PDE3A: variants seen among roughly 807,000 people sequenced by gnomAD.
PDE3A encodes the protein phosphodiesterase 3A.
A neutral mutation model predicts 98.3 loss-of-function variants in PDE3A; 43 were observed. The ratio of observed to expected loss-of-function variants is 0.44; its 90% CI spans 0.34 to 0.56. The LOEUF is 0.56. PDE3A is among the 20% of genes least tolerant of loss of function. The pLI, the probability that PDE3A is intolerant of heterozygous loss-of-function variation, is 0.01. For synonymous variants in PDE3A, 663 were observed against 567.9 expected (o/e 1.17, Z -2.38); for missense variants, 1,427 against 1,440.7 (o/e 0.99, Z 0.15).
At chr12:20,429,754 TC>T (rs1358307584) in intron 1 of PDE3A, among the ~76,000 whole-genome samples, 1 of 152,224 alleles carries the variant, frequency 6.6e-6, no homozygotes, top group South Asian at 2.1e-4. Flanking sequence ...TTTAATTTTT[TC>T]TAGTTATTGT....
intron 2 of PDE3A, among the ~76,000 whole-genome samples, chr12:20,606,652 A>T (rs532723243): frequency 6.6e-6 from 1 of 151,912 alleles, no homozygotes; most frequent in Non-Finnish European, 1.5e-5. Context: ...TGAGGTTGGG[A>T]GTTTGAGACC....
rs1257006307 is a variant in PDE3A, at chr12:20,530,534, G to C, written c.961-26126G>C. 2.7e-5 allele frequency among the ~76,000 whole-genome samples: 4 copies of C among 150,214 alleles called. No individual in the cohort carries two copies. The East Asian group carries it at 7.9e-4, about 30-fold the overall frequency. On this transcript the variant is annotated intron_variant, in intron 1 of 15. Coordinates refer to ENST00000359062, the MANE Select transcript of PDE3A (RefSeq NM_000921.5). ...AGATGGGGTCTCACTGTGTAACTCA[G>C]GCTGGACTCTAGCTCCTGAGCTCAA...
At chr12:20,626,788 G>C (rs370255563) in intron 5 of PDE3A, among the ~76,000 whole-genome samples, 1 of 152,132 alleles carries the variant, frequency 6.6e-6, no homozygotes, top group South Asian at 2.1e-4. Context: ...ATGAGCCACC[G>C]CGCCTAGCCG....
At chr12:20,404,222 A>G (rs1944187001) in intron 1 of PDE3A, among the ~76,000 whole-genome samples, 1 of 152,124 alleles carries the variant, frequency 6.6e-6, no homozygotes. Context: ...ATTTTACGAT[A>G]GTTTTTGTTT....
At position 20,477,314 on chromosome 12, in the gene PDE3A, C is replaced by G. The variant is rs767388744; in HGVS notation, c.961-79346C>G. Among the ~76,000 whole-genome samples, 2 of 152,182 alleles carry G rather than the reference C, an allele frequency of 1.3e-5. 1 individual carries two copies. The highest frequency in any genetic ancestry group is 2.9e-5 in the Non-Finnish European group (2 of 68,026). On this transcript the variant is annotated intron_variant, in intron 1 of 15. Transcript: ENST00000359062. The stretch of plus-strand genomic sequence containing the variant: ...AGATAATATTTTACCATAAGTACTT[C>G]TTTTTCCTATTAAAAAATATCACAG...
intron 1 of PDE3A, among the ~76,000 whole-genome samples, chr12:20,417,532 T>A (rs1033316495): frequency 1.3e-5 from 2 of 152,214 alleles, no homozygotes; most frequent in East Asian, 3.9e-4. Flanking sequence ...CCTGGACTTT[T>A]GTCTGGCAAA....
At chr12:20,384,710 C>T (rs914045072) in intron 1 of PDE3A, among the ~76,000 whole-genome samples, 32 of 151,718 alleles carry the variant, frequency 2.1e-4, no homozygotes, top group African/African-American at 7.7e-4. Flanking sequence ...CAGACTCCAG[C>T]ATGTTGTTCC....
rs749371120 is a variant in PDE3A, at chr12:20,654,033, C to T, written c.3012C>T (p.Phe1004=). ...APQLANLQES[F]ISHIVGPLCN... ...AGCTGGCCAACCTTCAGGAATCCTT[C>T]ATCTCTCACATTGTGGGGCCTCTGT... The change falls in exon 15 of 16, where the codon TTC becomes TTT. Residue 1004 remains phenylalanine, a synonymous_variant. Transcript: ENST00000359062. The T allele has an allele frequency of 7.0e-5, 113 of 1,614,160 alleles. No individual in the cohort carries two copies. In the East Asian group the frequency reaches 2.1e-3, roughly 30 times the overall value.
intron 2 of PDE3A, among the ~76,000 whole-genome samples, chr12:20,582,357 T>C (rs1045806790): frequency 2.0e-5 from 3 of 151,960 alleles, no homozygotes; most frequent in Non-Finnish European, 1.5e-5. Flanking sequence ...TGCCTGACTA[T>C]GTTTTTTGTA....
At chr12:20,384,872 T>C (rs895612252) in intron 1 of PDE3A, among the ~76,000 whole-genome samples, 5 of 152,166 alleles carry the variant, frequency 3.3e-5, no homozygotes, top group African/African-American at 1.2e-4. Flanking sequence ...CATTCCTCTT[T>C]ATGGCTGCAT....
rs538126266 is a variant in PDE3A, at chr12:20,455,787, T to C, written c.960+85543T>C. The stretch of plus-strand genomic sequence containing the variant: ...TGATGTTTTTGAGTATTCAAAAACA[T>C]TAAAAAGATTGGGAAAGGTCTAAGA... On this transcript the variant is annotated intron_variant, in intron 1 of 15. Transcript: ENST00000359062. Among the ~76,000 whole-genome samples, 72 of 152,222 alleles carry C rather than the reference T, an allele frequency of 4.7e-4. No homozygotes were observed. In the Middle Eastern group the frequency reaches 0.01, roughly 22 times the overall value.
chr12:20,639,509 A>G lies in PDE3A; in HGVS notation c.2140-337A>G, dbSNP rs1944598966. Reference sequence around the variant, plus strand: ...AAATCATGAAATTTTCATTATGGAAAATATGTATATATTTTTGCCATAGTG... The same window carrying G: ...AAATCATGAAATTTTCATTATGGAAGATATGTATATATTTTTGCCATAGTG... On this transcript the variant is annotated intron_variant, in intron 9 of 15. Transcript: ENST00000359062. Among the ~76,000 whole-genome samples, 4 of 152,192 alleles carry G rather than the reference A, an allele frequency of 2.6e-5. No homozygotes were observed. The South Asian group carries it at 8.3e-4, about 32-fold the overall frequency.
rs1946052480 is a variant in PDE3A, at chr12:20,503,115, T to C, written c.961-53545T>C. The stretch of plus-strand genomic sequence containing the variant: ...CCGTTTAGTCCTTATATAAATTATA[T>C]AGGCATTTAATCCATGATTTTCTAT... On this transcript the variant is annotated intron_variant, in intron 1 of 15. Transcript: ENST00000359062. Among the ~76,000 whole-genome samples, 4 of 152,138 alleles carry C rather than the reference T, an allele frequency of 2.6e-5. No individual in the cohort carries two copies. In the South Asian group the frequency reaches 8.3e-4, roughly 31 times the overall value.
intron 6 of PDE3A, 58 bp from the exon 7 acceptor site, chr12:20,633,635 T>A (rs2121512457): frequency 1.2e-6 from 1 of 846,250 alleles, no homozygotes; most frequent in East Asian, 2.5e-5. Context: ...AGATGGTATG[T>A]GCCTATGACT....
chr12:20,452,573 C>A (rs1286276155), intron 1 of PDE3A, among the ~76,000 whole-genome samples: 1 of 152,212 alleles, frequency 6.6e-6, no homozygotes, highest in Non-Finnish European at 1.5e-5. Flanking sequence ...GGTGTAGTTA[C>A]CGCAGGACTT....
chr12:20,625,898 C>G (rs1028602067), intron 5 of PDE3A, among the ~76,000 whole-genome samples: 1 of 151,822 alleles, frequency 6.6e-6, no homozygotes, highest in African/African-American at 2.4e-5. Context: ...TTGAATCATT[C>G]AAAAATTTAT....
intron 15 of PDE3A, among the ~76,000 whole-genome samples, chr12:20,676,943 A>C (rs1394916873): frequency 1.3e-5 from 2 of 152,140 alleles, no homozygotes; most frequent in Admixed American, 6.5e-5. Flanking sequence ...TAATTTTGTT[A>C]AACAGGTTTT....
At chr12:20,504,191 C>G (rs1033436676) in intron 1 of PDE3A, among the ~76,000 whole-genome samples, 1 of 151,898 alleles carries the variant, frequency 6.6e-6, no homozygotes, top group Non-Finnish European at 1.5e-5. Context: ...TTTTCCTTCT[C>G]CTGTTACTCT....
At chr12:20,511,195 A>G (rs1946214336) in intron 1 of PDE3A, among the ~76,000 whole-genome samples, 1 of 152,114 alleles carries the variant, frequency 6.6e-6, no homozygotes, top group Admixed American at 6.6e-5. Flanking sequence ...ACCAGGTGTT[A>G]AAATATACAC....
Sources: gnomAD v4.1 joint callset for allele counts (sites outside exome capture counted in the v4.1 genomes callset) on GRCh38, gnomAD v4.1.1 for gene constraint, MANE v1.5 for transcripts, NCBI Gene and HGNC (gene_info 2026-07-23, HGNC 2026-07-21) for gene names.